MED27: variants seen among roughly 807,000 people sequenced by gnomAD.
The protein encoded by MED27 is mediator complex subunit 27.
Under a neutral mutation model 38.2 loss-of-function variants are expected in MED27, and 30 were observed. That is an observed-to-expected ratio of 0.79 (90% CI 0.59 to 1.07). MED27 has a LOEUF of 1.07. Among genes scored for constraint, MED27 ranks in the 50% least tolerant of loss-of-function variants. The pLI, the probability that MED27 is intolerant of heterozygous loss-of-function variation, is 0.00. For synonymous variants in MED27, 122 were observed against 153.5 expected, an observed-to-expected ratio of 0.79 and a Z score of 1.52; for missense variants, 289 against 397.5, an observed-to-expected ratio of 0.73 and a Z score of 2.32.
intron 6 of MED27, among the ~76,000 whole-genome samples, chr9:131,879,735 G>A (rs1047367983): frequency 6.6e-6 from 1 of 152,172 alleles, no homozygotes; most frequent in Non-Finnish European, 1.5e-5. Context: ...CTCGCCAGTC[G>A]ACTTGGCTGG....
chr9:132,005,672 G>A (rs547824395), intron 3 of MED27, among the ~76,000 whole-genome samples: 2 of 152,088 alleles, frequency 1.3e-5, no homozygotes, highest in Non-Finnish European at 1.5e-5. Flanking sequence ...ATCCCAATAC[G>A]GGTAACCCTT....
chr9:132,001,737 A>T (rs753722167), intron 3 of MED27, among the ~76,000 whole-genome samples: 1 of 152,190 alleles, frequency 6.6e-6, no homozygotes, highest in Non-Finnish European at 1.5e-5. Flanking sequence ...GCCTTGAGCA[A>T]GTCAGCTCTG....
intron 4 of MED27, among the ~76,000 whole-genome samples, chr9:131,906,155 G>A (rs1382162857): frequency 6.6e-6 from 1 of 152,304 alleles, no homozygotes; most frequent in East Asian, 1.9e-4. Context: ...TATTTATTAA[G>A]TACCCACCAC....
chr9:131,941,125 A>G (rs1361058936), intron 3 of MED27, among the ~76,000 whole-genome samples: 1 of 152,226 alleles, frequency 6.6e-6, no homozygotes, highest in Non-Finnish European at 1.5e-5. Context: ...ACAAAATCAT[A>G]CAAGAATTTG....
chr9:132,052,274 G>A (rs1255591633), intron 2 of MED27, among the ~76,000 whole-genome samples: 1 of 152,080 alleles, frequency 6.6e-6, no homozygotes, highest in Non-Finnish European at 1.5e-5. Context: ...AAAACACTGT[G>A]GACAAAAGCA....
At chr9:132,050,400 A>C (rs948096814) in intron 2 of MED27, among the ~76,000 whole-genome samples, 3 of 152,216 alleles carry the variant, frequency 2.0e-5, no homozygotes, top group Non-Finnish European at 4.4e-5. Context: ...CCACGGGATC[A>C]CCACTGAAGA....
At chr9:132,015,781 T>C (rs1589267503) in intron 2 of MED27, among the ~76,000 whole-genome samples, 1 of 152,182 alleles carries the variant, frequency 6.6e-6, no homozygotes, top group African/African-American at 2.4e-5. Context: ...ATCATAAGAG[T>C]TGTCATCAAT....
chr9:132,000,877 C>T (rs556265811), intron 3 of MED27, among the ~76,000 whole-genome samples: 159 of 151,864 alleles, frequency 1.0e-3, no homozygotes, highest in Middle Eastern at 6.8e-3. Context: ...TGAGCTACCA[C>T]GCCTAGTCAA....
intron 4 of MED27, among the ~76,000 whole-genome samples, chr9:131,916,845 A>G (rs2131545667): frequency 6.6e-6 from 1 of 152,358 alleles, no homozygotes; most frequent in South Asian, 2.1e-4. Context: ...ATTTAAGATC[A>G]ATCCACAATC....
At chr9:132,048,931 TGA>T (rs1367821990) in intron 2 of MED27, among the ~76,000 whole-genome samples, 1 of 152,172 alleles carries the variant, frequency 6.6e-6, no homozygotes, top group Non-Finnish European at 1.5e-5. Context: ...GCTTAGTAAA[TGA>T]GAGATGTCCT....
intron 5 of MED27, among the ~76,000 whole-genome samples, chr9:131,891,163 T>G (rs1839222590): frequency 1.3e-5 from 2 of 151,402 alleles, no homozygotes; most frequent in African/African-American, 2.4e-5. Flanking sequence ...AAGGGAAGAG[T>G]AAAACTTTGT....
chr9:131,905,720 A>AC (rs1172712896), intron 4 of MED27, among the ~76,000 whole-genome samples: 1 of 105,892 alleles, frequency 9.4e-6, no homozygotes, highest in Non-Finnish European at 2.0e-5. Flanking sequence ...AAAAAAAAAA[A>AC]AAAAAAACAG....
chr9:132,007,112 C>T (rs1474380925), intron 3 of MED27, among the ~76,000 whole-genome samples: 1 of 152,182 alleles, frequency 6.6e-6, no homozygotes, highest in Non-Finnish European at 1.5e-5. Flanking sequence ...ACACTGGAAG[C>T]CCTAGGTGTG....
chr9:132,032,361 C>T (rs1832982536), intron 2 of MED27, among the ~76,000 whole-genome samples: 1 of 152,066 alleles, frequency 6.6e-6, no homozygotes, highest in Admixed American at 6.5e-5. Context: ...ACTCTGAATG[C>T]AACTCTGGTC....
At chr9:131,952,809 C>T (rs115575649) in intron 3 of MED27, among the ~76,000 whole-genome samples, 2,983 of 152,322 alleles carry the variant, frequency 0.02, 103 homozygotes, top group African/African-American at 0.067. Flanking sequence ...GTAACAGCTC[C>T]GCCCATGGGC....
intron 2 of MED27, among the ~76,000 whole-genome samples, chr9:132,038,325 GGGACTA>G (rs1183761813): frequency 6.7e-6 from 1 of 150,294 alleles, no homozygotes; most frequent in Non-Finnish European, 1.5e-5. Flanking sequence ...CCAAGTAGCT[GGGACTA>G]CAGGCGCCCG....
At chr9:132,058,404 G>A (rs980815220) in intron 2 of MED27, among the ~76,000 whole-genome samples, 14 of 152,116 alleles carry the variant, frequency 9.2e-5, no homozygotes, top group African/African-American at 2.7e-4. Flanking sequence ...CACTGTTCTC[G>A]TGACAGCGAG....
rs931746380 is a variant in MED27, at chr9:131,917,741, T to C, written c.573+21640A>G. On this transcript the variant is annotated intron_variant, in intron 4 of 7. Coordinates refer to ENST00000292035, the MANE Select transcript of MED27 (RefSeq NM_004269.4). The surrounding 1 kb of genome is among the most constrained non-coding windows in gnomAD (Gnocchi z 4.6). ...TTTGTTACAAGAATGGAGATAAGTATTGGAACAGAAAAATGTTAAATTGGA... is the reference window on the plus strand; with the variant it reads ...TTTGTTACAAGAATGGAGATAAGTACTGGAACAGAAAAATGTTAAATTGGA... Among the ~76,000 whole-genome samples the C allele has an allele frequency of 1.3e-5, 2 of 152,154 alleles. No homozygotes were observed. Among genetic ancestry groups the C allele is most frequent in the Non-Finnish European group, 2.9e-5 (2 of 68,036 alleles).
intron 2 of MED27, among the ~76,000 whole-genome samples, chr9:132,024,519 T>C (rs1402869750): frequency 1.3e-5 from 2 of 152,232 alleles, no homozygotes; most frequent in African/African-American, 4.8e-5. Flanking sequence ...ATGATCACCT[T>C]TTAAATCAAA....
Sources: gnomAD v4.1 joint callset for allele counts (sites outside exome capture counted in the v4.1 genomes callset) on GRCh38, gnomAD v4.1.1 for gene constraint, Gnocchi (gnomAD v3.1) non-coding constraint, MANE v1.5 for transcripts, NCBI Gene and HGNC (gene_info 2026-07-23, HGNC 2026-07-21) for gene names.